The following IL1RAPL2 variants were observed in gnomAD, a reference collection of about 807,000 sequenced individuals.
The protein encoded by IL1RAPL2 is interleukin 1 receptor accessory protein like 2, also known as X-linked interleukin-1 receptor accessory protein-like 2.
In IL1RAPL2, 3 loss-of-function variants were observed where a neutral mutation model predicts 44.1. That is an observed-to-expected ratio of 0.07 (90% CI 0.03 to 0.18). The LOEUF is 0.18. IL1RAPL2 is among the 10% of genes least tolerant of loss of function. The pLI is 1.00. For missense variants in IL1RAPL2, 391 were observed against 496.4 expected, an observed-to-expected ratio of 0.79 and a Z score of 2.02; for synonymous variants, 181 against 178.8, an observed-to-expected ratio of 1.01 and a Z score of -0.10.
chrX:105,023,009 G>T (rs1399857724), intron 2 of IL1RAPL2, among the ~76,000 whole-genome samples: 2 of 110,711 alleles, frequency 1.8e-5, no homozygotes, highest in Non-Finnish European at 3.8e-5. Flanking sequence ...AAGAGAAATT[G>T]GTGTAGAAAG....
chrX:105,302,179 T>C (rs191429832), intron 5 of IL1RAPL2, among the ~76,000 whole-genome samples: 194 of 112,318 alleles, frequency 1.7e-3, no homozygotes, highest in Admixed American at 6.1e-3. Flanking sequence ...GAAATGTCTG[T>C]TGAGATCTTT....
chrX:104,590,009 T>G (rs980040157), intron 1 of IL1RAPL2, among the ~76,000 whole-genome samples: 3 of 111,612 alleles, frequency 2.7e-5, no homozygotes, highest in African/African-American at 9.8e-5. Context: ...TAGTTACCCT[T>G]TCTACCATCC....
intron 6 of IL1RAPL2, among the ~76,000 whole-genome samples, chrX:105,605,023 C>T (rs781660011): frequency 1.8e-5 from 2 of 110,235 alleles, no homozygotes; most frequent in African/African-American, 3.3e-5. Context: ...CAAACCTACC[C>T]CTAACATCAT....
chrX:104,913,488 A>G (rs1391109731), intron 2 of IL1RAPL2, among the ~76,000 whole-genome samples: 2 of 111,804 alleles, frequency 1.8e-5, no homozygotes, highest in Admixed American at 9.5e-5. Flanking sequence ...GGTAGCCTAT[A>G]TCTCTGGAAT....
At chrX:104,672,090 A>T (rs1438071383) in intron 2 of IL1RAPL2, among the ~76,000 whole-genome samples, 1 of 111,089 alleles carries the variant, frequency 9.0e-6, no homozygotes, top group Non-Finnish European at 1.9e-5. Context: ...AGGGCAGGCC[A>T]ATTGCTTTCT....
intron 2 of IL1RAPL2, among the ~76,000 whole-genome samples, chrX:104,735,726 A>G (rs547585474): frequency 9.0e-6 from 1 of 111,378 alleles, no homozygotes; most frequent in African/African-American, 3.3e-5. Context: ...TGTTCAGGAT[A>G]GAAGTTTGCA....
At chrX:105,328,887 G>A (rs1483717139) in intron 5 of IL1RAPL2, among the ~76,000 whole-genome samples, 1 of 111,876 alleles carries the variant, frequency 8.9e-6, no homozygotes, top group African/African-American at 3.2e-5. Flanking sequence ...TAATTATGTA[G>A]TAGGCTATGC....
At chrX:105,039,055 G>A in intron 2 of IL1RAPL2, among the ~76,000 whole-genome samples, 1 of 111,705 alleles carries the variant, frequency 9.0e-6, no homozygotes, top group East Asian at 2.8e-4. Flanking sequence ...ACTTTCTCTT[G>A]TTTAAGGGCT....
intron 2 of IL1RAPL2, among the ~76,000 whole-genome samples, chrX:104,976,933 A>G (rs970900113): frequency 1.4e-4 from 16 of 110,717 alleles, no homozygotes; most frequent in African/African-American, 4.9e-4. Context: ...CAAAACATGC[A>G]TTTTAGGACT....
intron 2 of IL1RAPL2, among the ~76,000 whole-genome samples, chrX:104,779,098 C>T (rs1013574095): frequency 7.1e-5 from 8 of 112,242 alleles, no homozygotes; most frequent in African/African-American, 2.6e-4. Context: ...GATGAAACCA[C>T]CCAACTGATG....
At chrX:105,045,341 G>A (rs181422694) in intron 2 of IL1RAPL2, among the ~76,000 whole-genome samples, 1 of 111,774 alleles carries the variant, frequency 8.9e-6, no homozygotes, top group Non-Finnish European at 1.9e-5. Flanking sequence ...ATAATAGGAA[G>A]TCAGCAGGTA....
intron 5 of IL1RAPL2, among the ~76,000 whole-genome samples, chrX:105,410,278 G>A (rs945692151): frequency 9.1e-6 from 1 of 110,268 alleles, no homozygotes; most frequent in African/African-American, 3.3e-5. Flanking sequence ...AAGTCATGAA[G>A]CAGAGGAGGA....
intron 2 of IL1RAPL2, among the ~76,000 whole-genome samples, chrX:104,954,911 G>A (rs1485920002): frequency 8.8e-6 from 1 of 113,222 alleles, no homozygotes; most frequent in African/African-American, 3.2e-5. Context: ...CAGTGTTACA[G>A]CTCAGTGACT....
intron 2 of IL1RAPL2, among the ~76,000 whole-genome samples, chrX:104,946,402 A>AAAAAAAAAAAAAAAAAAAAAAAAAAC (rs1556018731): frequency 1.0e-5 from 1 of 95,674 alleles, no homozygotes. Context: ...AAAAAAAAAA[A>AAAAAAAAAAAAAAAAAAAAAAAAAAC]AAAAAAACTT....
chrX:105,591,676 C>A (rs1367184327), intron 6 of IL1RAPL2, among the ~76,000 whole-genome samples: 2 of 111,483 alleles, frequency 1.8e-5, no homozygotes, highest in Non-Finnish European at 3.8e-5. Flanking sequence ...ATTGTTAACT[C>A]AAAAGTCATT....
intron 2 of IL1RAPL2, among the ~76,000 whole-genome samples, chrX:104,805,327 C>A (rs1274688780): frequency 1.8e-5 from 2 of 112,003 alleles, no homozygotes; most frequent in African/African-American, 6.5e-5. Flanking sequence ...AAATTGCAAC[C>A]TCAGGTATAA....
chrX:105,372,498 A>G (rs1184053119), intron 5 of IL1RAPL2, among the ~76,000 whole-genome samples: 17 of 110,576 alleles, frequency 1.5e-4, no homozygotes, highest in Admixed American at 1.3e-3. Context: ...TTTAATGTTT[A>G]AGTTCAGGGG....
At chrX:105,348,180 A>C (rs928107716) in intron 5 of IL1RAPL2, among the ~76,000 whole-genome samples, 2 of 111,757 alleles carry the variant, frequency 1.8e-5, no homozygotes, top group East Asian at 2.8e-4. Context: ...TGAACTAACA[A>C]CTTACTGTTT....
chrX:105,370,617 T>G (rs932473695), intron 5 of IL1RAPL2, among the ~76,000 whole-genome samples: 2 of 112,411 alleles, frequency 1.8e-5, no homozygotes, highest in Non-Finnish European at 3.8e-5. Context: ...TTTCTTTACC[T>G]AGTCTACCAT....
Sources: allele counts gnomAD v4.1 joint callset (sites outside exome capture counted in the v4.1 genomes callset), GRCh38; gene constraint gnomAD v4.1.1; transcripts MANE v1.5; gene names NCBI Gene and HGNC (gene_info 2026-07-23, HGNC 2026-07-21).